NFIB: variants seen among roughly 807,000 people sequenced by gnomAD.
NFIB encodes the protein nuclear factor I B.
A neutral mutation model predicts 61.5 loss-of-function variants in NFIB; 11 were observed. The observed-to-expected ratio is 0.18, with a 90% CI of 0.11 to 0.30. The LOEUF (loss-of-function observed/expected upper bound fraction) is 0.30, where lower values mean the gene tolerates loss of function less well. NFIB is among the 10% of genes least tolerant of loss of function. The pLI is 1.00. For synonymous variants in NFIB, 260 were observed against 216.5 expected, an observed-to-expected ratio of 1.20 and a Z score of -1.76; for missense variants, 471 against 608.9, an observed-to-expected ratio of 0.77 and a Z score of 2.38.
At chr9:14,428,429 T>C in the NFIB span, among the ~76,000 whole-genome samples, 5 of 152,124 alleles carry the variant, frequency 3.3e-5, no homozygotes, top group African/African-American at 7.2e-5. Flanking sequence ...GCTAGCTGTA[T>C]CTAGGATTTC....
At chr9:14,469,846 C>G in the NFIB span, among the ~76,000 whole-genome samples, 3 of 152,302 alleles carry the variant, frequency 2.0e-5, no homozygotes, top group Non-Finnish European at 2.9e-5. Context: ...ACATTAGAAC[C>G]AAATCATATA....
At chr9:14,336,018 C>A (rs1002102765) in intron 1 of NFIB, among the ~76,000 whole-genome samples, 1 of 152,136 alleles carries the variant, frequency 6.6e-6, no homozygotes, top group Non-Finnish European at 1.5e-5. Context: ...TATTCTGTTT[C>A]ATTGATTTAT....
At chr9:14,233,198 T>C (rs975012958) in intron 2 of NFIB, among the ~76,000 whole-genome samples, 1 of 152,150 alleles carries the variant, frequency 6.6e-6, no homozygotes, top group Non-Finnish European at 1.5e-5. Context: ...GTGTTGAAAA[T>C]GCAAAATCAC....
At chr9:14,280,607 A>G (rs1243178353) in intron 2 of NFIB, among the ~76,000 whole-genome samples, 1 of 152,214 alleles carries the variant, frequency 6.6e-6, no homozygotes, top group African/African-American at 2.4e-5. Context: ...TTCATTGACT[A>G]GTCTTCTCCT....
the NFIB span, among the ~76,000 whole-genome samples, chr9:14,443,429 T>G: frequency 7.9e-5 from 12 of 152,144 alleles, no homozygotes; most frequent in African/African-American, 2.9e-4. Context: ...CAAACTGAAG[T>G]CAGGTGTCTC....
At chr9:14,100,350 A>C (rs1394612924) in intron 10 of NFIB, among the ~76,000 whole-genome samples, 1 of 152,120 alleles carries the variant, frequency 6.6e-6, no homozygotes, top group African/African-American at 2.4e-5. Context: ...TTCCTCCAAT[A>C]CATGTGTTCT....
At chr9:14,374,460 G>C (rs1054127970) in intron 1 of NFIB, among the ~76,000 whole-genome samples, 3 of 152,180 alleles carry the variant, frequency 2.0e-5, no homozygotes, top group Non-Finnish European at 4.4e-5. Context: ...ATGTCCCCTA[G>C]AGTCATCTTG....
At chr9:14,140,554 A>AT (rs2041571602) in intron 6 of NFIB, among the ~76,000 whole-genome samples, 1 of 152,204 alleles carries the variant, frequency 6.6e-6, no homozygotes, top group South Asian at 2.1e-4. Context: ...AATAGTTGAA[A>AT]TTTTTGTTAC....
chr9:14,372,981 C>T (rs141827744), intron 1 of NFIB, among the ~76,000 whole-genome samples: 9 of 134,618 alleles, frequency 6.7e-5, no homozygotes, highest in East Asian at 2.3e-4. Flanking sequence ...ATACAGGGAA[C>T]GGTGGTGGGG....
intron 2 of NFIB, among the ~76,000 whole-genome samples, chr9:14,230,979 C>T (rs560304659): frequency 2.0e-5 from 3 of 146,754 alleles, no homozygotes; most frequent in African/African-American, 4.9e-5. Context: ...AAAGGGGGAG[C>T]GGAGAAATGG....
At chr9:14,229,780 A>T (rs2052891070) in intron 2 of NFIB, among the ~76,000 whole-genome samples, 1 of 152,138 alleles carries the variant, frequency 6.6e-6, no homozygotes, top group East Asian at 1.9e-4. Flanking sequence ...GGCTCTAAAA[A>T]TATCCCCTCC....
chr9:14,296,981 C>T (rs1228973776), intron 2 of NFIB, among the ~76,000 whole-genome samples: 1 of 152,212 alleles, frequency 6.6e-6, no homozygotes, highest in East Asian at 1.9e-4. Context: ...TTTCTTCTAA[C>T]TTCACTTCTT....
chr9:14,258,310 C>G (rs987377569), intron 2 of NFIB, among the ~76,000 whole-genome samples: 3 of 152,212 alleles, frequency 2.0e-5, no homozygotes, highest in African/African-American at 7.2e-5. Context: ...CTGAATAATT[C>G]AGCCCTTCCA....
the NFIB span, among the ~76,000 whole-genome samples, chr9:14,493,671 T>C: frequency 2.6e-5 from 4 of 152,178 alleles, no homozygotes; most frequent in Admixed American, 1.3e-4. Flanking sequence ...TGCATGAATA[T>C]TGACTCTTGA....
At chr9:14,277,344 G>GAGAC (rs1554697818) in intron 2 of NFIB, among the ~76,000 whole-genome samples, 3 of 149,266 alleles carry the variant, frequency 2.0e-5, no homozygotes, top group Admixed American at 6.7e-5. Context: ...CGCACACACA[G>GAGAC]ACACACACAC....
rs781229510 is a variant in NFIB, at chr9:14,146,885, G to C, written c.807-78C>G. 20 of 1,557,586 alleles carry C rather than the reference G, an allele frequency of 1.3e-5. 1 individual carries two copies. The South Asian group carries it at 2.0e-4, about 16-fold the overall frequency. On this transcript the variant is annotated intron_variant, in intron 5 of 10. Coordinates refer to ENST00000380953, the MANE Select transcript of NFIB (RefSeq NM_001190737.2). ...CATTTTAAAGTAAATGATCTGAGAA[G>C]ATCCTTACTGTGAAAATTTTCATAA...
chr9:14,347,587 A>G (rs2061043314), intron 1 of NFIB, among the ~76,000 whole-genome samples: 1 of 148,986 alleles, frequency 6.7e-6, no homozygotes, highest in South Asian at 2.2e-4. Flanking sequence ...CGATTGGGAG[A>G]GGGGAGAAGG....
rs2032309649 is a variant in NFIB at position 14,083,249 on chromosome 9, A to G, written c.*5060T>C. ...AGTACAAAGAGTTGTCATGGCAATG[A>G]GTTTGGCTGATGCAAAGGTCATTGT... is the stretch of plus-strand genomic sequence containing the variant. On this transcript the variant is annotated 3_prime_UTR_variant, in exon 11 of 11. Coordinates refer to ENST00000380953, the MANE Select transcript of NFIB (RefSeq NM_001190737.2). 1 of 225,414 alleles carries G rather than the reference A, an allele frequency of 4.4e-6. No homozygotes were observed. The highest frequency in any genetic ancestry group is 5.7e-5 in the Admixed American group (1 of 17,462). 14.0% of individuals were successfully genotyped at this position (225,414 alleles called of 1,614,324 possible).
At chr9:14,152,571 A>G (rs571921675) in intron 4 of NFIB, among the ~76,000 whole-genome samples, 126 of 152,236 alleles carry the variant, frequency 8.3e-4, no homozygotes, top group Middle Eastern at 6.8e-3. Context: ...TCCACCTTAC[A>G]TAAACTATTT....
Sources: gnomAD v4.1 joint callset for allele counts (sites outside exome capture counted in the v4.1 genomes callset) on GRCh38, gnomAD v4.1.1 for gene constraint, MANE v1.5 for transcripts, NCBI Gene and HGNC (gene_info 2026-07-23, HGNC 2026-07-21) for gene names.